ALDH2: variants seen among roughly 807,000 people sequenced by gnomAD.
ALDH2 encodes aldehyde dehydrogenase, mitochondrial.
ALDH2 carries 44 observed loss-of-function variants against 59.6 expected under a neutral mutation model. That is an observed-to-expected ratio of 0.74 (90% CI 0.58 to 0.95). The LOEUF is 0.95. ALDH2 is among the 40% of genes least tolerant of loss of function. The pLI is 0.00. For synonymous variants in ALDH2, 291 were observed against 284.0 expected, an observed-to-expected ratio of 1.02 and a Z score of -0.25; for missense variants, 570 against 696.3, an observed-to-expected ratio of 0.82 and a Z score of 2.04.
rs1374218151 is a variant in ALDH2 at position 111,817,004 on chromosome 12, G to C, written c.*7429G>C. On this transcript the variant is annotated 3_prime_UTR_variant, in exon 13 of 13. Transcript: ENST00000261733. ...AAATATGAGTGTGATTAAAATGATG[G>C]TGCAATTGCTGTTGCAATTGCAAGC... 1 of 152,126 alleles carries C rather than the reference G, an allele frequency of 6.6e-6. No homozygotes were observed. The highest frequency in any genetic ancestry group is 1.5e-5 in the Non-Finnish European group (1 of 68,024). The allele number at this position is 152,126 out of a possible 1,614,324, so 9.4% of individuals were successfully genotyped here.
intron 10 of ALDH2, 32 bp from the exon 11 acceptor site, chr12:111,799,874 C>T: frequency 6.3e-7 from 1 of 1,593,342 alleles, no homozygotes; most frequent in South Asian, 1.1e-5. Flanking sequence ...CTCCGTGTTG[C>T]CGAACCCTCC....
At chr12:111,789,239 G>A (rs1356665320) in intron 4 of ALDH2, among the ~76,000 whole-genome samples, 2 of 150,992 alleles carry the variant, frequency 1.3e-5, no homozygotes, top group Non-Finnish European at 2.9e-5. Context: ...GGCTGGTCTC[G>A]AACTCCTGAC....
intron 9 of ALDH2, among the ~76,000 whole-genome samples, chr12:111,797,095 C>A (rs1188341601): frequency 2.0e-5 from 3 of 151,968 alleles, no homozygotes; most frequent in Non-Finnish European, 4.4e-5. Context: ...CCACCATGCC[C>A]AGCTAATTTT....
chr12:111,778,477 G>A (rs932339002), intron 1 of ALDH2, among the ~76,000 whole-genome samples: 35 of 149,872 alleles, frequency 2.3e-4, no homozygotes, highest in Non-Finnish European at 3.4e-4. Context: ...CCTGAAAGGC[G>A]GAGGTTGCAG....
At chr12:111,797,617 A>C (rs1045778349) in intron 9 of ALDH2, among the ~76,000 whole-genome samples, 1 of 130,644 alleles carries the variant, frequency 7.7e-6, no homozygotes, top group African/African-American at 3.3e-5. Flanking sequence ...AAAAATACAA[A>C]AAAAAAAAAA....
chr12:111,784,031 G>C (rs1355200096), intron 3 of ALDH2, among the ~76,000 whole-genome samples: 1 of 152,234 alleles, frequency 6.6e-6, no homozygotes, highest in African/African-American at 2.4e-5. Context: ...AAACCTTCCA[G>C]AAGGCAGATT....
At chr12:111,796,639 A>G (rs771262807) in intron 9 of ALDH2, among the ~76,000 whole-genome samples, 6 of 152,120 alleles carry the variant, frequency 3.9e-5, no homozygotes, top group Non-Finnish European at 7.4e-5. Flanking sequence ...GTGGTGGCTA[A>G]CCCCTGTAGT....
intron 9 of ALDH2, among the ~76,000 whole-genome samples, chr12:111,797,555 C>G (rs913228477): frequency 2.0e-5 from 3 of 151,402 alleles, no homozygotes; most frequent in Non-Finnish European, 4.4e-5. Context: ...GAGTGGAGAT[C>G]GCACCACTGC....
rs1408167557 is a variant in ALDH2, at chr12:111,785,299, T to C, written c.393T>C (p.Tyr131=). ...AGACCCTGGACAATGGCAAGCCCTA[T>C]GTCATCTCCTACCTGGTGGATTTGG... The part of the protein sequence containing the change: ...ALETLDNGKP[Y]VISYLVDLDM... Residue 131 remains tyrosine (Y), a synonymous_variant, in exon 4 of 13, where the codon TAT becomes TAC. Transcript: ENST00000261733. The C allele has an allele frequency of 1.9e-6, 3 of 1,614,046 alleles. No homozygotes were observed. Among genetic ancestry groups the C allele is most frequent in the Non-Finnish European group, 2.5e-6 (3 of 1,180,008 alleles).
chr12:111,807,079 C>T (rs868466393), intron 12 of ALDH2, among the ~76,000 whole-genome samples: 11 of 151,374 alleles, frequency 7.3e-5, no homozygotes, highest in Admixed American at 2.0e-4. Context: ...ATCCTGGCTA[C>T]GGTGAAACCC....
chr12:111,810,505 G>T lies in ALDH2; in HGVS notation c.*930G>T, dbSNP rs2136031006. ...ATTTGTTTCATGCATTTAACTTCTG[G>T]CCTGTTTACCTGTAGCAGGCTCTGA... On this transcript the variant is annotated 3_prime_UTR_variant, in exon 13 of 13. Transcript: ENST00000261733. 6.6e-6 allele frequency: 1 copy of T among 152,156 alleles called. No individual in the cohort carries two copies. Among genetic ancestry groups the T allele is most frequent in the Middle Eastern group, 3.4e-3 (1 of 294 alleles). 9.4% of individuals were successfully genotyped at this position (152,156 alleles called of 1,614,324 possible). A position where few individuals can be genotyped will look rare whatever the true frequency, so the allele number is the denominator to read the frequency against.
Position 111,792,498 on chromosome 12 carries a change from C to T in ALDH2, c.899-100C>T, listed in dbSNP as rs994666485. Reference sequence around the variant, plus strand: ...TCTCTGGCACCCAGCAGGCATCAACCCTTACAGTGGTGGGAACAGGCTCCA... The same window carrying T: ...TCTCTGGCACCCAGCAGGCATCAACTCTTACAGTGGTGGGAACAGGCTCCA... On this transcript the variant is annotated intron_variant, in intron 8 of 12. Coordinates refer to ENST00000261733, the MANE Select transcript of ALDH2 (RefSeq NM_000690.4). The T allele has an allele frequency of 3.9e-5, 54 of 1,367,126 alleles. No individual in the cohort carries two copies. In the Admixed American group the frequency reaches 8.3e-4, roughly 21 times the overall value. The allele number at this position is 1,367,126 out of a possible 1,614,324, so 84.7% of individuals were successfully genotyped here. A position where few individuals can be genotyped will look rare whatever the true frequency, so the allele number is the denominator to read the frequency against.
intron 6 of ALDH2, among the ~76,000 whole-genome samples, chr12:111,791,016 T>A (rs1430875560): frequency 6.6e-6 from 1 of 152,096 alleles, no homozygotes; most frequent in Non-Finnish European, 1.5e-5. Context: ...ACCACTGCAC[T>A]CCAGCCTGGG....
At position 111,815,760 on chromosome 12, in the gene ALDH2, C is replaced by G. The variant is rs1275665637; in HGVS notation, c.*6185C>G. The stretch of plus-strand genomic sequence containing the variant: ...GAGTAGCTGGGATTATAGGCGTGCA[C>G]TACCATGCATATATATATATATTTT... On this transcript the variant is annotated 3_prime_UTR_variant, in exon 13 of 13. Coordinates refer to ENST00000261733, the MANE Select transcript of ALDH2 (RefSeq NM_000690.4). The G allele has an allele frequency of 2.0e-5, 3 of 149,420 alleles. No individual in the cohort carries two copies. In the East Asian group the frequency reaches 6.0e-4, roughly 30 times the overall value. 9.3% of individuals were successfully genotyped at this position (149,420 alleles called of 1,614,324 possible).
At chr12:111,769,865 G>T (rs2068186582) in intron 1 of ALDH2, among the ~76,000 whole-genome samples, 2 of 152,088 alleles carry the variant, frequency 1.3e-5, no homozygotes, top group Admixed American at 1.3e-4. Context: ...GGGTAAAATG[G>T]CTGGGTGCAG....
rs60716599 is a variant in ALDH2 at position 111,815,796 on chromosome 12, T to TTGAGA, written c.*6221_*6222insTGAGA. On this transcript the variant is annotated 3_prime_UTR_variant, in exon 13 of 13. Transcript: ENST00000261733. The stretch of plus-strand genomic sequence containing the variant: ...ATATATATATATTTTTTTTTTTTTT[T>TTGAGA]GAGAGAGAGAGAGAGAGATGGAGTC... 7.1e-6 allele frequency: 1 copy of TTGAGA among 141,830 alleles called. No homozygotes were observed. Among genetic ancestry groups the TTGAGA allele is most frequent in the African/African-American group, 2.6e-5 (1 of 38,876 alleles). 8.8% of individuals were successfully genotyped at this position (141,830 alleles called of 1,614,324 possible). A position where few individuals can be genotyped will look rare whatever the true frequency, so the allele number is the denominator to read the frequency against.
At chr12:111,802,687 T>C (rs916984598) in intron 11 of ALDH2, among the ~76,000 whole-genome samples, 11 of 150,542 alleles carry the variant, frequency 7.3e-5, no homozygotes, top group Non-Finnish European at 1.6e-4. Flanking sequence ...AAGACCATCC[T>C]GGCTAACACA....
At chr12:111,790,609 C>T (rs767419163) in intron 6 of ALDH2, 47 bp downstream of exon 6, 1 of 1,613,332 alleles carries the variant, frequency 6.2e-7, no homozygotes, top group Non-Finnish European at 8.5e-7. Flanking sequence ...CTTGTTGAGG[C>T]TTGTTCTAAA....
At chr12:111,800,213 T>G in intron 11 of ALDH2, 150 bp downstream of exon 11, 1 of 974,312 alleles carries the variant, frequency 1.0e-6, no homozygotes, top group Non-Finnish European at 1.5e-6. Flanking sequence ...GAGGTCCTGC[T>G]ACCTCACCTC....
Sources: gnomAD v4.1 joint callset for allele counts (sites outside exome capture counted in the v4.1 genomes callset) on GRCh38, gnomAD v4.1.1 for gene constraint, MANE v1.5 for transcripts, NCBI Gene and HGNC (gene_info 2026-07-23, HGNC 2026-07-21) for gene names.